The following PDE4D variants were observed in gnomAD, a reference collection of about 807,000 sequenced individuals.
PDE4D encodes phosphodiesterase 4D, also known as 3',5'-cyclic-AMP phosphodiesterase 4D.
A neutral mutation model predicts 87.4 loss-of-function variants in PDE4D; 24 were observed. The observed-to-expected ratio is 0.27, with a 90% CI of 0.20 to 0.39. PDE4D has a LOEUF of 0.39. Ranked by LOEUF, PDE4D falls within the 10% of genes least tolerant of loss-of-function variation. The pLI is 1.00. For synonymous variants in PDE4D, 384 were observed against 383.2 expected (o/e 1.00, Z -0.02); for missense variants, 714 against 1,041.0 (o/e 0.69, Z 4.32).
intron 1 of PDE4D, among the ~76,000 whole-genome samples, chr5:59,701,747 G>A (rs1312392948): frequency 6.6e-6 from 1 of 152,220 alleles, no homozygotes; most frequent in East Asian, 1.9e-4. Flanking sequence ...GTGGTGCATA[G>A]TTGATGTGAA....
chr5:59,805,839 A>G (rs1767670198), intron 1 of PDE4D, among the ~76,000 whole-genome samples: 1 of 152,234 alleles, frequency 6.6e-6, no homozygotes, highest in Non-Finnish European at 1.5e-5. Context: ...GAAGTAGATG[A>G]GATTGTGAAC....
chr5:60,383,469 C>T (rs1480472042), intron 1 of PDE4D, among the ~76,000 whole-genome samples: 1 of 152,200 alleles, frequency 6.6e-6, no homozygotes, highest in Non-Finnish European at 1.5e-5. Flanking sequence ...AAACACACTA[C>T]AGCTAAGACT....
At position 59,884,147 on chromosome 5, in the gene PDE4D, G is replaced by A. The variant is rs1056460431; in HGVS notation, c.455+9021C>T. Among the ~76,000 whole-genome samples, 3 of 151,780 alleles carry A rather than the reference G, an allele frequency of 2.0e-5. No homozygotes were observed. The East Asian group carries it at 5.8e-4, about 29-fold the overall frequency. ...TTCACACACCTGTAACAGTTTGGTG[G>A]TTTTTCCTGCTTAGACAGAATATAT... On this transcript the variant is annotated intron_variant, in intron 1 of 14. Coordinates refer to ENST00000340635, the MANE Select transcript of PDE4D (RefSeq NM_001104631.2).
At chr5:59,448,801 A>G (rs1264935532) in intron 1 of PDE4D, among the ~76,000 whole-genome samples, 2 of 152,050 alleles carry the variant, frequency 1.3e-5, no homozygotes, top group East Asian at 3.9e-4. Context: ...CCCAGCTAAT[A>G]TTTTTTTAAA....
intron 1 of PDE4D, among the ~76,000 whole-genome samples, chr5:59,402,675 A>G (rs1457547453): frequency 6.6e-6 from 1 of 152,178 alleles, no homozygotes; most frequent in Non-Finnish European, 1.5e-5. Context: ...TATATTTACA[A>G]AATAATTATT....
chr5:59,019,065 G>T (rs1197753600), intron 6 of PDE4D, among the ~76,000 whole-genome samples: 1 of 151,258 alleles, frequency 6.6e-6, no homozygotes, highest in African/African-American at 2.4e-5. Context: ...ATATTGTCCA[G>T]CCCTCCCCCA....
At chr5:60,107,111 C>G (rs796504642) in intron 2 of PDE4D, among the ~76,000 whole-genome samples, 1 of 151,646 alleles carries the variant, frequency 6.6e-6, no homozygotes, top group Admixed American at 6.6e-5. Flanking sequence ...AGACCGCTAG[C>G]AAGACTAATA....
intron 1 of PDE4D, among the ~76,000 whole-genome samples, chr5:60,519,540 G>A (rs1750943349): frequency 1.3e-5 from 2 of 152,148 alleles, no homozygotes; most frequent in South Asian, 4.1e-4. Context: ...TCTGGCACAA[G>A]GTGTACTAAT....
chr5:59,105,788 C>T (rs537972988), intron 5 of PDE4D, among the ~76,000 whole-genome samples: 222 of 152,172 alleles, frequency 1.5e-3, no homozygotes, highest in Middle Eastern at 6.8e-3. Context: ...TAACAAGCAC[C>T]GATGTGACTG....
intron 2 of PDE4D, among the ~76,000 whole-genome samples, chr5:60,106,594 C>T (rs1314194218): frequency 1.3e-5 from 2 of 150,524 alleles, no homozygotes; most frequent in Non-Finnish European, 3.0e-5. Flanking sequence ...CCAAAATTGA[C>T]CACATAGTTG....
intron 1 of PDE4D, among the ~76,000 whole-genome samples, chr5:59,221,368 A>C (rs1462375968): frequency 6.6e-6 from 1 of 152,192 alleles, no homozygotes; most frequent in Non-Finnish European, 1.5e-5. Flanking sequence ...GTGGTGGCTC[A>C]TGCCTATAAT....
At chr5:59,682,912 G>A (rs1169069302) in intron 1 of PDE4D, among the ~76,000 whole-genome samples, 1 of 152,136 alleles carries the variant, frequency 6.6e-6, no homozygotes, top group African/African-American at 2.4e-5. Context: ...CTTTCACGAA[G>A]ACTCAGAAAC....
intron 2 of PDE4D, chr5:60,032,985 T>C (rs797019497): frequency 5.3e-5 from 8 of 152,290 alleles, no homozygotes; most frequent in African/African-American, 1.9e-4. Flanking sequence ...CAAGCCATGG[T>C]TATTGCCACC....
At chr5:59,807,028 G>A (rs1161082691) in intron 1 of PDE4D, among the ~76,000 whole-genome samples, 1 of 152,178 alleles carries the variant, frequency 6.6e-6, no homozygotes, top group Non-Finnish European at 1.5e-5. Context: ...TCTGAGCTCA[G>A]TTTCATTGAC....
intron 5 of PDE4D, among the ~76,000 whole-genome samples, chr5:59,137,097 T>C (rs116463691): frequency 0.014 from 2,193 of 152,268 alleles, 25 homozygotes; most frequent in Non-Finnish European, 0.023. Context: ...TGAGAAACTT[T>C]CTTTCTGCCC....
intron 2 of PDE4D, among the ~76,000 whole-genome samples, chr5:60,107,213 G>C (rs1336953637): frequency 1.3e-5 from 2 of 152,160 alleles, no homozygotes; most frequent in Non-Finnish European, 2.9e-5. Context: ...ACTACCATTA[G>C]AGAATACTAC....
At chr5:59,372,441 A>T (rs1405975090) in intron 1 of PDE4D, among the ~76,000 whole-genome samples, 1 of 152,268 alleles carries the variant, frequency 6.6e-6, no homozygotes, top group Non-Finnish European at 1.5e-5. Context: ...AAATGAAGAA[A>T]AAAATTGTAT....
chr5:59,748,903 C>T (rs1046607633), intron 1 of PDE4D, among the ~76,000 whole-genome samples: 5 of 152,172 alleles, frequency 3.3e-5, no homozygotes, highest in African/African-American at 4.8e-5. Flanking sequence ...AGGCTGCCTG[C>T]GGACAGCACC....
At chr5:60,420,128 G>C (rs1583695745) in intron 1 of PDE4D, among the ~76,000 whole-genome samples, 1 of 152,298 alleles carries the variant, frequency 6.6e-6, no homozygotes, top group South Asian at 2.1e-4. Context: ...AGTAATGCTG[G>C]AAGAAGAATA....
Sources: allele counts gnomAD v4.1 joint callset (sites outside exome capture counted in the v4.1 genomes callset), GRCh38; gene constraint gnomAD v4.1.1; transcripts MANE v1.5; gene names NCBI Gene and HGNC (gene_info 2026-07-23, HGNC 2026-07-21).